TMEM117: variants seen among roughly 807,000 people sequenced by gnomAD.
TMEM117 encodes transmembrane protein 117.
In TMEM117, 27 loss-of-function variants were observed where a neutral mutation model predicts 52.4. That is an observed-to-expected ratio of 0.51 (90% CI 0.38 to 0.71). TMEM117 has a LOEUF of 0.71. Among genes scored for constraint, TMEM117 ranks in the 30% least tolerant of loss-of-function variants. The pLI is 0.00. For missense variants in TMEM117, 556 were observed against 630.5 expected, an observed-to-expected ratio of 0.88 and a Z score of 1.26; for synonymous variants, 215 against 206.3, an observed-to-expected ratio of 1.04 and a Z score of -0.36.
At chr12:44,005,705 C>T (rs1946183136) in intron 3 of TMEM117, among the ~76,000 whole-genome samples, 1 of 152,158 alleles carries the variant, frequency 6.6e-6, no homozygotes, top group South Asian at 2.1e-4. Context: ...TTTGCTGTGT[C>T]CCCACCCAAA....
At chr12:44,371,946 G>A (rs1015995387) in intron 6 of TMEM117, among the ~76,000 whole-genome samples, 1 of 151,982 alleles carries the variant, frequency 6.6e-6, no homozygotes, top group African/African-American at 2.4e-5. Flanking sequence ...ATTTTTATAT[G>A]GGAAATACAC....
At chr12:43,842,196 A>G (rs950931866) in intron 1 of TMEM117, among the ~76,000 whole-genome samples, 4 of 152,168 alleles carry the variant, frequency 2.6e-5, no homozygotes, top group Non-Finnish European at 4.4e-5. Context: ...TTTGTTCTTC[A>G]CTACTTGCTC....
chr12:43,883,191 A>G (rs1943928166), intron 2 of TMEM117, among the ~76,000 whole-genome samples: 1 of 152,222 alleles, frequency 6.6e-6, no homozygotes, highest in South Asian at 2.1e-4. Flanking sequence ...TAAATGAGGA[A>G]GAAGAGGTAT....
At chr12:44,031,186 T>G (rs2071276747) in intron 3 of TMEM117, among the ~76,000 whole-genome samples, 1 of 152,202 alleles carries the variant, frequency 6.6e-6, no homozygotes, top group South Asian at 2.1e-4. Context: ...GGGCTGTATT[T>G]GTATAAATGT....
intron 1 of TMEM117, among the ~76,000 whole-genome samples, chr12:43,842,738 ACACGTG>A (rs1339557940): frequency 6.6e-6 from 1 of 151,916 alleles, no homozygotes; most frequent in Admixed American, 6.6e-5. Context: ...ACACACACAC[ACACGTG>A]CACGCACACA....
At chr12:44,361,085 A>G (rs1457470654) in intron 6 of TMEM117, among the ~76,000 whole-genome samples, 2 of 152,196 alleles carry the variant, frequency 1.3e-5, no homozygotes, top group African/African-American at 2.4e-5. Context: ...ATTATAAGAA[A>G]GACATTTTTT....
intron 1 of TMEM117, among the ~76,000 whole-genome samples, chr12:43,839,046 T>G (rs911167403): frequency 1.3e-5 from 2 of 152,198 alleles, no homozygotes; most frequent in African/African-American, 4.8e-5. Context: ...CATTCTGGAT[T>G]TTGCCTAGGT....
chr12:44,195,055 A>G (rs1315939540), intron 4 of TMEM117, among the ~76,000 whole-genome samples: 3 of 152,232 alleles, frequency 2.0e-5, no homozygotes, highest in Admixed American at 2.0e-4. Flanking sequence ...AGCATTAAAC[A>G]AGACACATTT....
intron 4 of TMEM117, among the ~76,000 whole-genome samples, chr12:44,164,942 T>C (rs1289581015): frequency 2.0e-5 from 3 of 152,186 alleles, no homozygotes; most frequent in African/African-American, 7.2e-5. Flanking sequence ...AATCTTCTGT[T>C]CTGGCTATTT....
At chr12:43,928,079 C>G (rs1399977239) in intron 2 of TMEM117, among the ~76,000 whole-genome samples, 6 of 151,782 alleles carry the variant, frequency 4.0e-5, no homozygotes, top group Non-Finnish European at 5.9e-5. Context: ...TAAATATCTA[C>G]TATTTTAGTG....
chr12:43,972,980 C>T (rs1022196670), intron 3 of TMEM117, among the ~76,000 whole-genome samples: 1 of 152,166 alleles, frequency 6.6e-6, no homozygotes, highest in African/African-American at 2.4e-5. Flanking sequence ...TATTAGTTAT[C>T]TTTTAAAGTA....
At chr12:43,797,136 A>G in the TMEM117 span, 5 of 1,545,946 alleles carry the variant, frequency 3.2e-6, no homozygotes, top group South Asian at 6.0e-5. Flanking sequence ...TTAGCATATC[A>G]ATACATAAAC....
chr12:44,161,353 T>C (rs1948896128), intron 4 of TMEM117, among the ~76,000 whole-genome samples: 1 of 152,230 alleles, frequency 6.6e-6, no homozygotes, highest in African/African-American at 2.4e-5. Context: ...AGTAATTGTA[T>C]GACCTGGGTC....
At chr12:44,088,798 T>A (rs1947615101) in intron 3 of TMEM117, among the ~76,000 whole-genome samples, 1 of 152,192 alleles carries the variant, frequency 6.6e-6, no homozygotes, top group South Asian at 2.1e-4. Flanking sequence ...CCACTCAGGG[T>A]CACTGGATAC....
chr12:43,999,502 C>T (rs1254737683), intron 3 of TMEM117, among the ~76,000 whole-genome samples: 2 of 152,154 alleles, frequency 1.3e-5, no homozygotes, highest in Non-Finnish European at 2.9e-5. Flanking sequence ...TTGTTTGAGA[C>T]AGAGTCTGGC....
chr12:44,059,639 A>C (rs1947108778), intron 3 of TMEM117, among the ~76,000 whole-genome samples: 2 of 152,324 alleles, frequency 1.3e-5, no homozygotes, highest in East Asian at 1.9e-4. Flanking sequence ...TTTGTCAGCA[A>C]ATCTCTCTGA....
At chr12:44,385,992 T>C (rs1952082840) in intron 7 of TMEM117, among the ~76,000 whole-genome samples, 2 of 152,114 alleles carry the variant, frequency 1.3e-5, no homozygotes, top group African/African-American at 4.8e-5. Context: ...AACACAAAAT[T>C]TTCCAAACTA....
At chr12:44,063,887 G>A (rs928639444) in intron 3 of TMEM117, among the ~76,000 whole-genome samples, 2 of 152,144 alleles carry the variant, frequency 1.3e-5, no homozygotes, top group African/African-American at 2.4e-5. Context: ...CAGCGAAGGA[G>A]CTGTAAATTA....
At chr12:44,396,744 C>G in the TMEM117 span, among the ~76,000 whole-genome samples, 1 of 151,354 alleles carries the variant, frequency 6.6e-6, no homozygotes, top group Non-Finnish European at 1.5e-5. Context: ...ATCCCAGATA[C>G]TCAGGAGGCT....
Sources: allele counts gnomAD v4.1 joint callset (sites outside exome capture counted in the v4.1 genomes callset), GRCh38; gene constraint gnomAD v4.1.1; transcripts MANE v1.5; gene names NCBI Gene and HGNC (gene_info 2026-07-23, HGNC 2026-07-21).